CCDC122: variants seen among roughly 807,000 people sequenced by gnomAD.
CCDC122 encodes the protein coiled-coil domain-containing protein 122.
In CCDC122, 38 loss-of-function variants were observed where a neutral mutation model predicts 37.0. That is an observed-to-expected ratio of 1.03 (90% confidence interval 0.79 to 1.35). CCDC122 has a LOEUF of 1.35. CCDC122 is among the 40% of genes most tolerant of loss of function. The pLI is 0.00. For missense variants in CCDC122, 305 were observed against 310.0 expected (o/e 0.98, Z 0.12); for synonymous variants, 83 against 95.6 (o/e 0.87, Z 0.77).
In CCDC122 at chr13:43,837,016, C is replaced by T. The variant is rs775339633; in HGVS notation, c.*264G>A. On this transcript the variant is annotated 3_prime_UTR_variant, in exon 7 of 7. Transcript: ENST00000444614. ...GTATTCATGAGTATAATACATTTTA[C>T]ACACTCCAAATAGTCACAGAGACTC... is the stretch of plus-strand genomic sequence containing the variant. 1 of 347,912 alleles carries T rather than the reference C, an allele frequency of 2.9e-6. No homozygotes were observed. Among genetic ancestry groups the T allele is most frequent in the South Asian group, 6.8e-5 (1 of 14,794 alleles). The allele number at this position is 347,912 out of a possible 1,614,324, so 21.6% of individuals were successfully genotyped here.
chr13:43,866,266 A>G (rs1954274257), intron 4 of CCDC122, among the ~76,000 whole-genome samples: 2 of 152,238 alleles, frequency 1.3e-5, no homozygotes, highest in African/African-American at 2.4e-5. Context: ...CAAATAAGGG[A>G]AAACTGTTGT....
intron 6 of CCDC122, among the ~76,000 whole-genome samples, chr13:43,848,160 T>C (rs1304260642): frequency 1.3e-5 from 2 of 152,258 alleles, no homozygotes; most frequent in Admixed American, 6.5e-5. Flanking sequence ...TTGTTAATTA[T>C]ATAGCTGTGT....
At chr13:43,874,023 A>G (rs1954530861) in intron 2 of CCDC122, among the ~76,000 whole-genome samples, 1 of 152,212 alleles carries the variant, frequency 6.6e-6, no homozygotes, top group African/African-American at 2.4e-5. Flanking sequence ...CAATCTTTCA[A>G]TTCCATTTAG....
chr13:43,832,398 T>C (rs1361275362), downstream of CCDC122, among the ~76,000 whole-genome samples: 1 of 152,176 alleles, frequency 6.6e-6, no homozygotes, highest in Non-Finnish European at 1.5e-5. Context: ...CATAGCCCTA[T>C]AATAACCTTT....
At chr13:43,868,832 T>A (rs780604886) in intron 3 of CCDC122, 29 bp from the exon 4 acceptor site, 1 of 1,056,314 alleles carries the variant, frequency 9.5e-7, no homozygotes. Flanking sequence ...ATAAAGTATA[T>A]AATAAAAATT....
At chr13:43,828,551 C>T (rs1429509999) in intron 3 of CCDC122, among the ~76,000 whole-genome samples, 2 of 84,154 alleles carry the variant, frequency 2.4e-5, no homozygotes, top group Admixed American at 1.5e-4. Context: ...ATTTTATAGA[C>T]AGATACACAC....
At chr13:43,839,227 T>C (rs1388886788) in intron 6 of CCDC122, among the ~76,000 whole-genome samples, 1 of 152,224 alleles carries the variant, frequency 6.6e-6, no homozygotes, top group East Asian at 1.9e-4. Flanking sequence ...CTGGTACCCA[T>C]TAGCAGTCAT....
chr13:43,871,220 A>G, intron 2 of CCDC122, among the ~76,000 whole-genome samples: 1 of 152,056 alleles, frequency 6.6e-6, no homozygotes, highest in Non-Finnish European at 1.5e-5. Context: ...TATTCCCACT[A>G]CTACCATCTA....
At chr13:43,844,956 T>G (rs533665707) in intron 6 of CCDC122, among the ~76,000 whole-genome samples, 1 of 152,304 alleles carries the variant, frequency 6.6e-6, no homozygotes, top group African/African-American at 2.4e-5. Flanking sequence ...CTTAGCTCAT[T>G]TACATTTAAT....
chr13:43,877,103 C>T (rs997692641), intron 1 of CCDC122, among the ~76,000 whole-genome samples: 1 of 152,110 alleles, frequency 6.6e-6, no homozygotes, highest in Non-Finnish European at 1.5e-5. Flanking sequence ...GAGACTTCAT[C>T]TCAAAAAAGA....
chr13:43,854,584 C>A (rs1481943728), intron 6 of CCDC122: 1 of 152,128 alleles, frequency 6.6e-6, no homozygotes, highest in East Asian at 1.9e-4. Flanking sequence ...CAAAACTATT[C>A]CAAAAAATTG....
chr13:43,858,870 T>G lies in CCDC122; in HGVS notation c.583A>C (p.Ile195Leu), dbSNP rs376428525. The G allele has an allele frequency of 2.3e-5, 33 of 1,406,072 alleles. No homozygotes were observed. The African/African-American group carries it at 4.1e-4, about 17-fold the overall frequency. 87.1% of individuals were successfully genotyped at this position (1,406,072 alleles called of 1,614,324 possible). A position where few individuals can be genotyped will look rare whatever the true frequency, so the allele number is the denominator to read the frequency against. The change falls in exon 6 of 7, where the codon ATT becomes CTT. Residue 195 changes from isoleucine (I) to leucine (L), a missense_variant. By Grantham distance (5) the Ile-to-Leu change is conservative. Coordinates refer to ENST00000444614, the MANE Select transcript of CCDC122 (RefSeq NM_144974.5). ...QEDITNLKDK[I>L]ITVKESIIEK... ...ATGATAGATTCTTTTACAGTTATAA[T>G]TTTATCCTTTAAGTTTGTAATGTCT... is the stretch of plus-strand genomic sequence containing the variant.
intron 6 of CCDC122, among the ~76,000 whole-genome samples, chr13:43,851,563 G>A (rs535725394): frequency 6.6e-6 from 1 of 152,234 alleles, no homozygotes; most frequent in African/African-American, 2.4e-5. Context: ...ATGCCCGCAG[G>A]GAGGCAAGCA....
chr13:43,835,985 A>T (rs1953150724), downstream of CCDC122, among the ~76,000 whole-genome samples: 1 of 152,190 alleles, frequency 6.6e-6, no homozygotes, highest in Admixed American at 6.5e-5. Flanking sequence ...CCACAATAAA[A>T]CTATTACTGT....
At chr13:43,872,206 T>G (rs1197799896) in intron 2 of CCDC122, among the ~76,000 whole-genome samples, 2 of 152,034 alleles carry the variant, frequency 1.3e-5, no homozygotes, top group Non-Finnish European at 2.9e-5. Flanking sequence ...TCTTGTATCT[T>G]TACACATTCC....
intron 6 of CCDC122, among the ~76,000 whole-genome samples, chr13:43,841,310 C>CA (rs1953343203): frequency 6.6e-6 from 1 of 152,208 alleles, no homozygotes; most frequent in Admixed American, 6.5e-5. Context: ...AGGAAACTCT[C>CA]AAACTGTTTT....
chr13:43,846,999 T>C (rs1207894679), intron 6 of CCDC122, among the ~76,000 whole-genome samples: 4 of 152,234 alleles, frequency 2.6e-5, no homozygotes, highest in Non-Finnish European at 5.9e-5. Flanking sequence ...GTAATTCTAC[T>C]TCTTGGTGCA....
chr13:43,878,044 A>T (rs983573004), intron 1 of CCDC122: 1 of 152,234 alleles, frequency 6.6e-6, no homozygotes, highest in South Asian at 2.1e-4. Flanking sequence ...ATGCAAATAC[A>T]ATATAACAAA....
chr13:43,878,848 C>G (rs958870306), intron 1 of CCDC122, among the ~76,000 whole-genome samples: 10 of 152,108 alleles, frequency 6.6e-5, no homozygotes, highest in African/African-American at 2.4e-4. Context: ...CAAGTGAAGG[C>G]GCTCGGAAGA....
Sources: allele counts gnomAD v4.1 joint callset (sites outside exome capture counted in the v4.1 genomes callset), GRCh38; gene constraint gnomAD v4.1.1; transcripts MANE v1.5; gene names NCBI Gene and HGNC (gene_info 2026-07-23, HGNC 2026-07-21).